DNAH1: variants seen among roughly 807,000 people sequenced by gnomAD.
DNAH1 encodes the protein dynein axonemal heavy chain 1, also known as axonemal beta dynein heavy chain 1.
DNAH1 carries 327 observed loss-of-function variants against 484.3 expected under a neutral mutation model. That is an observed-to-expected ratio of 0.68 (90% CI 0.62 to 0.74). DNAH1 has a LOEUF of 0.74. DNAH1 is among the 30% of genes least tolerant of loss of function. The pLI is 0.00. For missense variants in DNAH1, 5,052 were observed against 5,546.8 expected (o/e 0.91, Z 2.83); for synonymous variants, 2,192 against 2,191.9 (o/e 1.00, Z 0.00).
In DNAH1 at chr3:52,332,404, C is replaced by T. The variant is rs185252204; in HGVS notation, c.1286+10C>T. ...TGCGCAAAGGCCCCTCGTGAGTCCC[C>T]GCTCGGCCTTCCCTATTCTGGGCAT... On this transcript the variant is annotated intron_variant, in intron 8 of 77. Coordinates refer to ENST00000420323, the MANE Select transcript of DNAH1 (RefSeq NM_015512.5). 2.2e-5 allele frequency: 36 copies of T among 1,609,970 alleles called. No homozygotes were observed. Among genetic ancestry groups the T allele is most frequent in the African/African-American group, 1.2e-4 (9 of 75,042 alleles).
chr3:52,331,191 C>T lies in DNAH1; in HGVS notation c.915C>T (p.Val305=), dbSNP rs780717577. Residue 305 remains valine (V), a synonymous_variant, in exon 7 of 78, where the codon GTC becomes GTT. Transcript: ENST00000420323. ...AGCTGAAGTACAAATGGTGCGAGGT[C>T]GGCGTCCTGGACTACGACGAGGAGA... ...SQKLKYKWCE[V]GVLDYDEEKK... The T allele has an allele frequency of 1.8e-5, 29 of 1,605,932 alleles. No homozygotes were observed. The highest frequency in any genetic ancestry group is 3.4e-5 in the Admixed American group (2 of 58,752).
chr3:52,315,657 C>G (rs1700926245), upstream of DNAH1, among the ~76,000 whole-genome samples: 1 of 152,210 alleles, frequency 6.6e-6, no homozygotes, highest in African/African-American at 2.4e-5. Context: ...ACCTCTCTTC[C>G]AGCTTATTCA....
At chr3:52,342,082 G>A (rs142681673) in intron 8 of DNAH1, among the ~76,000 whole-genome samples, 112 of 152,372 alleles carry the variant, frequency 7.4e-4, no homozygotes, top group African/African-American at 2.5e-3. Flanking sequence ...TTCTCACAGT[G>A]GTGATAACAT....
chr3:52,331,619 C>CTT (rs36097098), intron 7 of DNAH1, among the ~76,000 whole-genome samples: 3,275 of 111,102 alleles, frequency 0.029, 76 homozygotes, highest in Non-Finnish European at 0.041. Context: ...AAATACTTTT[C>CTT]TTTTTTTTTT....
In DNAH1 at chr3:52,398,978, AGCTCTG is replaced by A; in HGVS notation, c.12220_12225del (p.Leu4074_Trp4075del). The A allele has an allele frequency of 6.2e-7, 1 of 1,613,918 alleles. No homozygotes were observed. Among genetic ancestry groups the A allele is most frequent in the Non-Finnish European group, 8.5e-7 (1 of 1,179,840 alleles). ...AGCCTGTACAACAATACTGTGCCTG[AGCTCTG>A]GAGTGCCAAGGCCTACCCATCGCTC... On this transcript the variant is annotated inframe_deletion, in exon 76 of 78. Transcript: ENST00000420323.
rs1301361057 is a variant in DNAH1 at position 52,353,064 on chromosome 3, T to C, written c.3028-39T>C. 6.3e-7 allele frequency: 1 copy of C among 1,578,902 alleles called. No individual in the cohort carries two copies. On this transcript the variant is annotated intron_variant, in intron 18 of 77. Transcript: ENST00000420323. This position sits in a 1 kb window ranked among gnomAD's most constrained non-coding sequence, Gnocchi z 5.0. ...CAACATGGAGAGAGACTGGGAAGTG[T>C]CCCAAGACAGCCCCAGCCCTGCCCT...
Position 52,396,860 on chromosome 3 carries a change from C to A in DNAH1, c.11611-8C>A. On this transcript the variant is annotated splice_region_variant and splice_polypyrimidine_tract_variant and intron_variant, in intron 72 of 77. Coordinates refer to ENST00000420323, the MANE Select transcript of DNAH1 (RefSeq NM_015512.5). ...ACTTAGGGGAGCCCTCACCCACCCACCCCATAGGTCCTCAAGTACACGGCA... is the reference window on the plus strand; with the variant it reads ...ACTTAGGGGAGCCCTCACCCACCCAACCCATAGGTCCTCAAGTACACGGCA... 6.2e-7 allele frequency: 1 copy of A among 1,612,598 alleles called. No homozygotes were observed. Among genetic ancestry groups the A allele is most frequent in the Non-Finnish European group, 8.5e-7 (1 of 1,179,398 alleles).
At chr3:52,390,828 G>A in intron 60 of DNAH1, 107 bp from the exon 61 acceptor site, 2 of 1,492,402 alleles carry the variant, frequency 1.3e-6, no homozygotes, top group Non-Finnish European at 1.8e-6. Context: ...GATGCAGTAA[G>A]GAGAGGGAAG....
chr3:52,356,573 A>G, intron 21 of DNAH1, 41 bp from the exon 22 acceptor site: 3 of 1,605,364 alleles, frequency 1.9e-6, no homozygotes, highest in Non-Finnish European at 2.6e-6. Context: ...TTGGACCCTG[A>G]CAGTCCATAT....
At chr3:52,357,047 T>G (rs1002984092) in intron 22 of DNAH1, among the ~76,000 whole-genome samples, 17 of 151,660 alleles carry the variant, frequency 1.1e-4, no homozygotes, top group East Asian at 3.9e-4. Context: ...TTTGTTTTTT[T>G]TTTTGAAACA....
Position 52,353,746 on chromosome 3 carries a change from C to T in DNAH1, c.3480+113C>T. ...AGGATGACAGTAATAAGCCCCATCC[C>T]TGGGGTCATGAGGCCCAGGGGTTGA... On this transcript the variant is annotated intron_variant, in intron 20 of 77. Coordinates refer to ENST00000420323, the MANE Select transcript of DNAH1 (RefSeq NM_015512.5). This position sits in a 1 kb window ranked among gnomAD's most constrained non-coding sequence, Gnocchi z 5.0. 1 of 1,445,594 alleles carries T rather than the reference C, an allele frequency of 6.9e-7. No individual in the cohort carries two copies. 89.5% of individuals were successfully genotyped at this position (1,445,594 alleles called of 1,614,324 possible).
Position 52,386,177 on chromosome 3 carries a change from CGAGGAGACCCGGAATTCAGTGCAGACA to C in DNAH1, c.8651_8677del (p.Thr2884_Glu2892del), listed in dbSNP as rs772028376. On this transcript the variant is annotated inframe_deletion, in exon 55 of 78. Transcript: ENST00000420323. ...ATCCCCAGGTGGATACGGCCATCGC[CGAGGAGACCCGGAATTCAGTGCAGACA>C]GAGGAGATCAAAGCCAATGAGAAGG... 6.2e-7 allele frequency: 1 copy of C among 1,613,298 alleles called. No homozygotes were observed. The highest frequency in any genetic ancestry group is 8.5e-7 in the Non-Finnish European group (1 of 1,179,504).
At position 52,358,737 on chromosome 3, in the gene DNAH1, G is replaced by A. The variant is rs915762518; in HGVS notation, c.4266G>A (p.Thr1422=). ...AGAAGGCCATCAGGGCCTACCCCAC[G>A]GTGAGCCGCCCGCAGCCCGTGCAGC... ...IIEKAIRAYP[T]MPRTQWVLNW... The change falls in exon 25 of 78, where the codon ACG becomes ACA. Residue 1422 remains threonine, a splice_region_variant and synonymous_variant. Transcript: ENST00000420323. This position sits in a 1 kb window ranked among gnomAD's most constrained non-coding sequence, Gnocchi z 4.2. 8.1e-6 allele frequency: 13 copies of A among 1,612,046 alleles called. No homozygotes were observed. The highest frequency in any genetic ancestry group is 8.5e-6 in the Non-Finnish European group (10 of 1,179,602).
Position 52,354,891 on chromosome 3 carries a change from CTGCCCTACA to C in DNAH1, c.3530_3538del (p.Leu1177_Lys1180delinsGln), listed in dbSNP as rs1702543915. 2 of 1,614,008 alleles carry C rather than the reference CTGCCCTACA, an allele frequency of 1.2e-6. No individual in the cohort carries two copies. The highest frequency in any genetic ancestry group is 4.5e-5 in the East Asian group (2 of 44,882). On this transcript the variant is annotated inframe_deletion, in exon 21 of 78. Transcript: ENST00000420323. Reference sequence around the variant, plus strand: ...GTGGTCGACCATCCTGTTCAATGTACTGCCCTACAAGGCGACAGACACCTACATCCTGAA... The same window carrying C: ...GTGGTCGACCATCCTGTTCAATGTACAGGCGACAGACACCTACATCCTGAA...
chr3:52,360,045 A>T lies in DNAH1; in HGVS notation c.4537A>T (p.Ser1513Cys). 1 of 1,613,926 alleles carries T rather than the reference A, an allele frequency of 6.2e-7. No individual in the cohort carries two copies. Among genetic ancestry groups the T allele is most frequent in the Non-Finnish European group, 8.5e-7 (1 of 1,179,900 alleles). Residue 1513 changes from serine (S) to cysteine (C), a missense_variant, in exon 27 of 78, where the codon AGC becomes TGC. This residue lies in a region of DNAH1 where 2,929 missense variants were observed against 3,409.4 expected (regional missense o/e 0.86). Coordinates refer to ENST00000420323, the MANE Select transcript of DNAH1 (RefSeq NM_015512.5). Reference sequence around the variant, plus strand: ...CAAGCTAATCCAGGAGAACGTGGTCAGCGTGAATGACTTCCAGTGGATCTC... The same window carrying T: ...CAAGCTAATCCAGGAGAACGTGGTCTGCGTGAATGACTTCCAGTGGATCTC... ...VSKLIQENVV[S>C]VNDFQWISQL...
At chr3:52,367,881 T>C (rs1199688106) in intron 36 of DNAH1, among the ~76,000 whole-genome samples, 1 of 152,250 alleles carries the variant, frequency 6.6e-6, no homozygotes, top group Non-Finnish European at 1.5e-5. Context: ...CCCTCAATGA[T>C]ACTTTTTAAA....
intron 8 of DNAH1, among the ~76,000 whole-genome samples, chr3:52,337,347 T>C (rs576147736): frequency 6.6e-6 from 1 of 152,352 alleles, no homozygotes; most frequent in East Asian, 1.9e-4. Flanking sequence ...TGCTTTTCGA[T>C]CTGCATTTTA....
At chr3:52,371,912 TCCAGGC>T (rs753943932) in intron 41 of DNAH1, 28 bp from the exon 42 acceptor site, 13 of 1,608,028 alleles carry the variant, frequency 8.1e-6, no homozygotes, top group Non-Finnish European at 1.1e-5. Flanking sequence ...AGGGAGGGGT[TCCAGGC>T]CCACTGCTGA....
At chr3:52,316,062 G>A (rs1039205470), upstream of DNAH1, among the ~76,000 whole-genome samples, 29 of 152,142 alleles carry the variant, frequency 1.9e-4, no homozygotes, top group African/African-American at 6.8e-4. Context: ...CTGTGAGCTG[G>A]GCCTCCTGAG....
Sources: allele counts gnomAD v4.1 joint callset (sites outside exome capture counted in the v4.1 genomes callset), GRCh38; gene constraint gnomAD v4.1.1; regional missense constraint gnomAD v4.1.1; non-coding constraint Gnocchi (gnomAD v3.1); transcripts MANE v1.5; gene names NCBI Gene and HGNC (gene_info 2026-07-23, HGNC 2026-07-21).